Variants in PRKACB observed in about 807,000 individuals in gnomAD.
PRKACB encodes the protein protein kinase cAMP-activated catalytic subunit beta.
In PRKACB, 16 loss-of-function variants were observed where a neutral mutation model predicts 51.4. That is an observed-to-expected ratio of 0.31 (90% confidence interval 0.21 to 0.47). The LOEUF (loss-of-function observed/expected upper bound fraction) is 0.47, where lower values mean the gene tolerates loss of function less well. Among genes scored for constraint, PRKACB ranks in the 20% least tolerant of loss-of-function variants. The pLI is 1.00. For synonymous variants in PRKACB, 147 were observed against 154.4 expected (o/e 0.95, Z 0.35); for missense variants, 309 against 464.5 (o/e 0.67, Z 3.08).
At chr1:84,198,849 G>GTATATGTGTATATATATACACCACA (rs1558237561) in intron 7 of PRKACB, among the ~76,000 whole-genome samples, 4 of 148,144 alleles carry the variant, frequency 2.7e-5, no homozygotes, top group African/African-American at 9.9e-5. Flanking sequence ...GTATATATGT[G>GTATATGTGTATATATATACACCACA]TATATGTGTA....
intron 1 of PRKACB, among the ~76,000 whole-genome samples, chr1:84,147,548 T>G (rs946748512): frequency 6.6e-6 from 1 of 151,952 alleles, no homozygotes; most frequent in Non-Finnish European, 1.5e-5. Flanking sequence ...TAAGCAAGTT[T>G]CCAGGAAAAA....
At position 84,184,056 on chromosome 1, in the gene PRKACB, T is replaced by C; in HGVS notation, c.398T>C (p.Ile133Thr). ...DKQKVVKLKQ[I>T]EHTLNEKRIL... ...TTACAGGTTGTTAAACTGAAGCAAA[T>C]AGAGCATACTTTGAATGAGAAAAGA... is the stretch of plus-strand genomic sequence containing the variant. The change falls in exon 4 of 10, where the codon ATA (isoleucine) becomes ACA (threonine). Residue 133 changes from isoleucine (I) to threonine (T), a missense_variant. Physicochemically the swap from Ile to Thr is moderately conservative, Grantham distance 89. Coordinates refer to ENST00000370685, the MANE Select transcript of PRKACB (RefSeq NM_182948.4). 6.3e-7 allele frequency: 1 copy of C among 1,596,864 alleles called. No homozygotes were observed. Among genetic ancestry groups the C allele is most frequent in the East Asian group, 2.3e-5 (1 of 44,074 alleles).
At chr1:84,194,239 CTTCTT>C (rs1572290628) in intron 5 of PRKACB, among the ~76,000 whole-genome samples, 1 of 152,150 alleles carries the variant, frequency 6.6e-6, no homozygotes, top group African/African-American at 2.4e-5. Context: ...TAATTGGTAA[CTTCTT>C]TTCTTTGCAA....
intron 1 of PRKACB, among the ~76,000 whole-genome samples, chr1:84,125,474 C>T (rs1025576702): frequency 8.5e-5 from 13 of 152,174 alleles, no homozygotes; most frequent in African/African-American, 3.1e-4. Flanking sequence ...TTAATTACAT[C>T]CGCAGAGTCC....
chr1:84,094,870 C>T (rs776438994), intron 1 of PRKACB, among the ~76,000 whole-genome samples: 2 of 151,940 alleles, frequency 1.3e-5, no homozygotes, highest in African/African-American at 4.8e-5. Context: ...AACAACATTT[C>T]AGTCAAAAAC....
At chr1:84,179,272 A>G (rs1662393315) in intron 2 of PRKACB, 34 bp downstream of exon 2, 2 of 1,514,294 alleles carry the variant, frequency 1.3e-6, no homozygotes, top group African/African-American at 1.4e-5. Context: ...AAAATTAAAA[A>G]TCTTGTATTA....
At position 84,176,697 on chromosome 1, in the gene PRKACB, C is replaced by G. The variant is rs150639160; in HGVS notation, c.188-2480C>G. Among the ~76,000 whole-genome samples, 477 of 151,700 alleles carry G rather than the reference C, an allele frequency of 3.1e-3. 5 individuals carry two copies. The highest frequency in any genetic ancestry group is 0.011 in the African/African-American group (456 of 41,454). ...CCTTTAATGTACTCGAAAAGAAAATCCCTTTATATTTTGAAGTAATTCACA... is the reference window on the plus strand; with the variant it reads ...CCTTTAATGTACTCGAAAAGAAAATGCCTTTATATTTTGAAGTAATTCACA... On this transcript the variant is annotated intron_variant, in intron 1 of 9. Transcript: ENST00000370685.
At chr1:84,164,642 G>A (rs868442980) in intron 1 of PRKACB, 114 of 1,392,910 alleles carry the variant, frequency 8.2e-5, no homozygotes, top group Middle Eastern at 5.3e-4. Context: ...AACAACTCAT[G>A]CTGATATAAT....
chr1:84,147,489 T>G (rs773073893), intron 1 of PRKACB, among the ~76,000 whole-genome samples: 1 of 152,064 alleles, frequency 6.6e-6, no homozygotes, highest in Non-Finnish European at 1.5e-5. Flanking sequence ...ATAGTCAATT[T>G]CTACTCATTT....
At chr1:84,168,963 A>T (rs1379030533) in intron 1 of PRKACB, among the ~76,000 whole-genome samples, 2 of 151,586 alleles carry the variant, frequency 1.3e-5, no homozygotes, top group Non-Finnish European at 3.0e-5. Context: ...AGGTCACTGG[A>T]TTACTTACCT....
intron 1 of PRKACB, among the ~76,000 whole-genome samples, chr1:84,170,153 C>T (rs751664744): frequency 5.9e-5 from 9 of 151,502 alleles, no homozygotes; most frequent in Non-Finnish European, 1.0e-4. Context: ...TTCAACTGCC[C>T]TGAGGACATT....
At chr1:84,169,249 C>T (rs779884622) in intron 1 of PRKACB, among the ~76,000 whole-genome samples, 12 of 151,456 alleles carry the variant, frequency 7.9e-5, no homozygotes, top group Non-Finnish European at 8.9e-5. Context: ...AGAGTATAAA[C>T]ACAAAAAATT....
intron 1 of PRKACB, among the ~76,000 whole-genome samples, chr1:84,121,384 CAT>C (rs1477355953): frequency 1.3e-5 from 2 of 151,908 alleles, no homozygotes; most frequent in African/African-American, 4.8e-5. Flanking sequence ...ATGTATTATA[CAT>C]ATATATTCAT....
intron 1 of PRKACB, among the ~76,000 whole-genome samples, chr1:84,161,669 T>C (rs1397346163): frequency 6.6e-6 from 1 of 151,916 alleles, no homozygotes; most frequent in Non-Finnish European, 1.5e-5. Context: ...ATTTATCTTA[T>C]CATAGTTTAC....
chr1:84,083,974 C>T (rs1647760086), intron 1 of PRKACB, among the ~76,000 whole-genome samples: 1 of 152,132 alleles, frequency 6.6e-6, no homozygotes, highest in Non-Finnish European at 1.5e-5. Flanking sequence ...AGAGTACCTG[C>T]TCAGGGTGCC....
chr1:84,228,681 A>G (rs1675057454), intron 9 of PRKACB, among the ~76,000 whole-genome samples: 1 of 152,216 alleles, frequency 6.6e-6, no homozygotes, highest in Non-Finnish European at 1.5e-5. Flanking sequence ...AAAGAGTTAT[A>G]TTTCTTTCCA....
At chr1:84,102,139 G>C (rs906799091) in intron 1 of PRKACB, among the ~76,000 whole-genome samples, 1 of 151,788 alleles carries the variant, frequency 6.6e-6, no homozygotes, top group Non-Finnish European at 1.5e-5. Context: ...GGGAGGCCGA[G>C]GTGGGCAGAT....
chr1:84,169,000 T>C (rs943763829), intron 1 of PRKACB, among the ~76,000 whole-genome samples: 6 of 151,600 alleles, frequency 4.0e-5, no homozygotes, highest in African/African-American at 1.5e-4. Flanking sequence ...GTACGCTAAA[T>C]GATGTGAAGA....
At chr1:84,212,636 T>C (rs1342773467) in intron 8 of PRKACB, among the ~76,000 whole-genome samples, 1 of 152,084 alleles carries the variant, frequency 6.6e-6, no homozygotes, top group South Asian at 2.1e-4. Context: ...CCCAGTAACA[T>C]TGCTGAATCT....
Sources: allele counts gnomAD v4.1 joint callset (sites outside exome capture counted in the v4.1 genomes callset), GRCh38; gene constraint gnomAD v4.1.1; transcripts MANE v1.5; gene names NCBI Gene and HGNC (gene_info 2026-07-23, HGNC 2026-07-21).